RBFOX1: variants seen among roughly 807,000 people sequenced by gnomAD.
RBFOX1 encodes RNA binding fox-1 homolog 1.
A neutral mutation model predicts 57.7 loss-of-function variants in RBFOX1; 8 were observed. The observed-to-expected ratio is 0.14, with a 90% CI of 0.08 to 0.25. The LOEUF (loss-of-function observed/expected upper bound fraction) is 0.25. Among genes scored for constraint, RBFOX1 ranks in the 10% least tolerant of loss-of-function variants. RBFOX1 has a pLI of 1.00. For missense variants in RBFOX1, 611 were observed against 548.5 expected, an observed-to-expected ratio of 1.11 and a Z score of -1.14; for synonymous variants, 326 against 222.4, an observed-to-expected ratio of 1.47 and a Z score of -4.15.
chr16:5,909,415 A>T (rs2058557539), intron 4 of RBFOX1, among the ~76,000 whole-genome samples: 1 of 152,180 alleles, frequency 6.6e-6, no homozygotes, highest in Admixed American at 6.5e-5. Flanking sequence ...AAAAAAATAA[A>T]ATAAAATAAT....
At position 7,258,034 on chromosome 16, in the gene RBFOX1, G is replaced by A. The variant is rs544364645; in HGVS notation, c.27+205936G>A. Among the ~76,000 whole-genome samples the A allele has an allele frequency of 3.6e-4, 55 of 152,286 alleles. No homozygotes were observed. In the South Asian group the frequency reaches 0.01, roughly 29 times the overall value. On this transcript the variant is annotated intron_variant, in intron 4 of 15. Transcript: ENST00000550418. ...GATGTTCAATGTAATCAGCACAACT[G>A]GTAGCTTTAGGCATTGATCACTGTG...
chr16:6,348,995 C>G (rs2085837124), intron 2 of RBFOX1, among the ~76,000 whole-genome samples: 1 of 152,182 alleles, frequency 6.6e-6, no homozygotes, highest in African/African-American at 2.4e-5. Flanking sequence ...AAATTCTTAT[C>G]TTGAGATTTG....
intron 2 of RBFOX1, among the ~76,000 whole-genome samples, chr16:6,574,969 C>T (rs1389645332): frequency 3.3e-5 from 5 of 149,518 alleles, no homozygotes; most frequent in South Asian, 2.1e-4. Context: ...ACCTGGGAGG[C>T]GGAGCTTGCA....
At chr16:7,125,802 G>A (rs1439132559) in intron 4 of RBFOX1, among the ~76,000 whole-genome samples, 1 of 152,068 alleles carries the variant, frequency 6.6e-6, no homozygotes, top group African/African-American at 2.4e-5. Flanking sequence ...TACATGAATA[G>A]CCAGGCGAAG....
At chr16:7,703,423 T>C (rs2081403888) in intron 14 of RBFOX1, among the ~76,000 whole-genome samples, 1 of 152,246 alleles carries the variant, frequency 6.6e-6, no homozygotes, top group Admixed American at 6.5e-5. Context: ...TCACTCATCT[T>C]TCTGCTCCAC....
intron 2 of RBFOX1, chr16:6,483,317 G>A: frequency 7.0e-7 from 1 of 1,429,352 alleles, no homozygotes; most frequent in Non-Finnish European, 9.2e-7. Context: ...CGCGCGCTCG[G>A]GGCGTTCTGC....
chr16:6,803,136 AT>A (rs113567456), intron 3 of RBFOX1, among the ~76,000 whole-genome samples: 14,771 of 150,570 alleles, frequency 0.098, 896 homozygotes, highest in African/African-American at 0.15. Flanking sequence ...CCATGCCTTG[AT>A]TTTTTTTTTC....
At chr16:6,805,208 G>A (rs1311473182) in intron 3 of RBFOX1, among the ~76,000 whole-genome samples, 1 of 152,164 alleles carries the variant, frequency 6.6e-6, no homozygotes, top group East Asian at 1.9e-4. Flanking sequence ...ATACTATGCA[G>A]CCATAAAAAA....
chr16:5,686,667 T>C (rs903724305), intron 3 of RBFOX1, among the ~76,000 whole-genome samples: 12 of 152,178 alleles, frequency 7.9e-5, no homozygotes, highest in Admixed American at 2.0e-4. Flanking sequence ...TGACCCTCAG[T>C]ACTTAGTATT....
intron 1 of RBFOX1, among the ~76,000 whole-genome samples, chr16:5,383,131 A>T (rs779742535): frequency 6.6e-5 from 10 of 152,144 alleles, no homozygotes; most frequent in Non-Finnish European, 1.3e-4. Context: ...TCACACTCCA[A>T]CTGTTGAGAA....
At chr16:7,048,132 G>C (rs929842585) in intron 3 of RBFOX1, among the ~76,000 whole-genome samples, 10 of 152,178 alleles carry the variant, frequency 6.6e-5, no homozygotes, top group African/African-American at 1.4e-4. Context: ...GACCCGCTTG[G>C]CTTCCCAAAA....
chr16:5,254,383 T>C lies in RBFOX1; in HGVS notation c.219+14278T>C, dbSNP rs372288827. 2.6e-5 allele frequency among the ~76,000 whole-genome samples: 4 copies of C among 152,318 alleles called. No individual in the cohort carries two copies. In the East Asian group the frequency reaches 7.7e-4, roughly 29 times the overall value. Reference sequence around the variant, plus strand: ...GAAGATGGTGTCAGGAACATACTTGTCTGTGGGCCTTCTTACTGTATTCCA... The same window carrying C: ...GAAGATGGTGTCAGGAACATACTTGCCTGTGGGCCTTCTTACTGTATTCCA... On this transcript the variant is annotated intron_variant, in intron 1 of 2. Transcript: ENST00000585867.
At chr16:5,554,414 C>G (rs1189975277) in intron 2 of RBFOX1, among the ~76,000 whole-genome samples, 3 of 151,996 alleles carry the variant, frequency 2.0e-5, no homozygotes, top group Non-Finnish European at 4.4e-5. Context: ...AATTATTTTT[C>G]TATATTTTCA....
chr16:6,847,501 C>T (rs888900241), intron 3 of RBFOX1, among the ~76,000 whole-genome samples: 4 of 151,984 alleles, frequency 2.6e-5, no homozygotes, highest in South Asian at 2.1e-4. Flanking sequence ...CTGTGGCCCA[C>T]GTTTTATTGG....
At chr16:5,856,589 A>ATATG (rs1567632408) in intron 3 of RBFOX1, among the ~76,000 whole-genome samples, 2 of 80,374 alleles carry the variant, frequency 2.5e-5, no homozygotes, top group African/African-American at 8.1e-5. Context: ...ATATATATAT[A>ATATG]TATATATATA....
At chr16:7,075,564 T>C (rs186173305) in intron 4 of RBFOX1, among the ~76,000 whole-genome samples, 2 of 149,196 alleles carry the variant, frequency 1.3e-5, no homozygotes, top group African/African-American at 2.6e-5. Flanking sequence ...TTTCTTTTTA[T>C]TTTTTCTTTT....
At chr16:7,431,640 C>G (rs1053530864) in intron 4 of RBFOX1, among the ~76,000 whole-genome samples, 9 of 152,190 alleles carry the variant, frequency 5.9e-5, no homozygotes, top group African/African-American at 2.2e-4. Context: ...CATCACTGTC[C>G]AGTTTCAGAA....
chr16:6,716,423 TTTC>T (rs1443406560), intron 3 of RBFOX1, among the ~76,000 whole-genome samples: 1 of 152,212 alleles, frequency 6.6e-6, no homozygotes, highest in East Asian at 1.9e-4. Context: ...GGAATTTTTT[TTTC>T]TTCATTTGTT....
At chr16:7,060,487 T>G (rs1185638792) in intron 4 of RBFOX1, among the ~76,000 whole-genome samples, 1 of 152,210 alleles carries the variant, frequency 6.6e-6, no homozygotes, top group Admixed American at 6.5e-5. Context: ...TAAAAGTGAT[T>G]TCTTGCTTTA....
Sources: gnomAD v4.1 joint callset for allele counts (sites outside exome capture counted in the v4.1 genomes callset) on GRCh38, gnomAD v4.1.1 for gene constraint, MANE v1.5 for transcripts, NCBI Gene and HGNC (gene_info 2026-07-23, HGNC 2026-07-21) for gene names.